Variants in TCTN1 observed in about 807,000 individuals in gnomAD.
TCTN1 encodes the protein tectonic-1.
TCTN1 carries 58 observed loss-of-function variants against 65.8 expected under a neutral mutation model. The ratio of observed to expected loss-of-function variants is 0.88; its 90% CI spans 0.71 to 1.10. TCTN1 has a LOEUF of 1.10. Ranked by LOEUF, TCTN1 falls within the 50% of genes least tolerant of loss-of-function variation. The pLI is 0.00. For synonymous variants in TCTN1, 273 were observed against 289.1 expected, an observed-to-expected ratio of 0.94 and a Z score of 0.57; for missense variants, 645 against 719.4, an observed-to-expected ratio of 0.90 and a Z score of 1.18.
intron 14 of TCTN1, chr12:110,648,774 G>GAA: frequency 6.7e-6 from 2 of 299,320 alleles, no homozygotes; most frequent in Non-Finnish European, 1.3e-5. Context: ...AATACAGTAG[G>GAA]AGGGTCCAGG....
intron 2 of TCTN1, 41 bp from the exon 3 acceptor site, chr12:110,626,321 T>C (rs375890064): frequency 5.6e-5 from 87 of 1,541,664 alleles, no homozygotes; most frequent in Non-Finnish European, 7.2e-5. Context: ...ATTGTGTGCT[T>C]ATGTCTTGTA....
chr12:110,626,068 T>C (rs761848601), intron 2 of TCTN1, among the ~76,000 whole-genome samples: 9 of 151,494 alleles, frequency 5.9e-5, no homozygotes, highest in Non-Finnish European at 8.8e-5. Flanking sequence ...AATTCTAATA[T>C]GCTTTCTTTT....
intron 14 of TCTN1, chr12:110,648,737 G>A (rs2067591016): frequency 4.0e-6 from 1 of 252,908 alleles, no homozygotes; most frequent in Admixed American, 5.7e-5. Context: ...CCGACTGGCA[G>A]GCTGGTATGG....
intron 13 of TCTN1, 32 bp from the exon 14 acceptor site, chr12:110,647,717 G>T (rs569579399): frequency 1.2e-6 from 2 of 1,614,162 alleles, no homozygotes; most frequent in African/African-American, 1.3e-5. Flanking sequence ...GCACACTGGA[G>T]GGTGGGCCTT....
intron 6 of TCTN1, among the ~76,000 whole-genome samples, chr12:110,635,121 C>T (rs2066472901): frequency 6.6e-6 from 1 of 152,054 alleles, no homozygotes; most frequent in Non-Finnish European, 1.5e-5. Context: ...CTTATTAGCC[C>T]CAAAAAGGGC....
At chr12:110,628,688 T>C (rs1362194050) in intron 3 of TCTN1, 79 bp from the exon 4 acceptor site, 21 of 1,317,034 alleles carry the variant, frequency 1.6e-5, no homozygotes, top group South Asian at 1.6e-4. Context: ...TTAAAAACTT[T>C]CCAAAACCTT....
intron 3 of TCTN1, chr12:110,628,301 C>T: frequency 7.1e-7 from 1 of 1,416,876 alleles, no homozygotes; most frequent in Non-Finnish European, 9.5e-7. Flanking sequence ...GTTTAATAAG[C>T]TTTAAAAAAT....
chr12:110,624,705 G>A (rs574029227), intron 2 of TCTN1, among the ~76,000 whole-genome samples: 1 of 151,922 alleles, frequency 6.6e-6, no homozygotes, highest in African/African-American at 2.4e-5. Context: ...AGTCTCCCCA[G>A]CAGCTGGAAC....
At chr12:110,631,549 G>T (rs1190753202) in intron 4 of TCTN1, among the ~76,000 whole-genome samples, 1 of 152,018 alleles carries the variant, frequency 6.6e-6, no homozygotes, top group Non-Finnish European at 1.5e-5. Context: ...CATGAGGATC[G>T]CTTGAACCCA....
chr12:110,616,254 ATT>A (rs112976446), intron 1 of TCTN1: 4,354 of 388,632 alleles, frequency 0.011, no homozygotes, highest in South Asian at 0.016. Context: ...CTCACACTTT[ATT>A]TTTTTTTTTT....
chr12:110,624,847 G>T (rs12304823), intron 2 of TCTN1, among the ~76,000 whole-genome samples: 1 of 152,198 alleles, frequency 6.6e-6, no homozygotes, highest in South Asian at 2.1e-4. Flanking sequence ...CTCCCAAAGT[G>T]CTGGGATTAC....
chr12:110,635,012 G>C (rs182019346), intron 6 of TCTN1, among the ~76,000 whole-genome samples: 1 of 151,956 alleles, frequency 6.6e-6, no homozygotes, highest in East Asian at 1.9e-4. Context: ...TCATTTTGAT[G>C]GTAACCAATA....
intron 12 of TCTN1, 55 bp downstream of exon 12, chr12:110,645,184 GTGA>G (rs1392862884): frequency 6.2e-7 from 1 of 1,606,694 alleles, no homozygotes; most frequent in Non-Finnish European, 8.5e-7. Flanking sequence ...TCCAGGTGGT[GTGA>G]TGAAGGCAGC....
chr12:110,617,802 G>T (rs1212140649), intron 1 of TCTN1, among the ~76,000 whole-genome samples: 1 of 149,850 alleles, frequency 6.7e-6, no homozygotes, highest in Non-Finnish European at 1.5e-5. Flanking sequence ...CACCATGCCC[G>T]ACTAATTTTT....
intron 4 of TCTN1, chr12:110,630,155 A>G (rs1378710497): frequency 6.6e-6 from 1 of 152,160 alleles, no homozygotes; most frequent in Non-Finnish European, 1.5e-5. Flanking sequence ...GTAAACCACC[A>G]TGGCACGTGT....
At position 110,647,842 on chromosome 12, in the gene TCTN1, C is replaced by T. The variant is rs777455610; in HGVS notation, c.1729C>T (p.Pro577Ser). Residue 577 changes from proline (P) to serine (S), a missense_variant, in exon 14 of 15, where the codon CCA becomes TCA. Transcript: ENST00000397659. ...APAEAGFRAPPAINARLPFNF... is the reference protein window; with the variant it reads ...APAEAGFRAPSAINARLPFNF... ...TGCAGAGGCAGGCTTCAGAGCTCCA[C>T]CAGCCATCAATGCCAGGCTGCCCTT... The T allele has an allele frequency of 1.2e-6, 2 of 1,614,190 alleles. No individual in the cohort carries two copies. Among genetic ancestry groups the T allele is most frequent in the Non-Finnish European group, 1.7e-6 (2 of 1,180,046 alleles).
chr12:110,630,186 C>A (rs1046668013), intron 4 of TCTN1: 1 of 152,148 alleles, frequency 6.6e-6, no homozygotes, highest in African/African-American at 2.4e-5. Flanking sequence ...AACAAACCTG[C>A]ATGTTCTGCA....
chr12:110,616,254 A>ATTT, intron 1 of TCTN1: 17 of 403,694 alleles, frequency 4.2e-5, no homozygotes, highest in South Asian at 7.0e-5. Flanking sequence ...CTCACACTTT[A>ATTT]TTTTTTTTTT....
Position 110,636,507 on chromosome 12 carries a change from A to C in TCTN1, c.843+6A>C, listed in dbSNP as rs2066579977. ...TACCTGATTCAAGAAAAAAGGTAAG[A>C]GTATTTATTTATTTTTGTAATAGAA... On this transcript the variant is annotated splice_donor_region_variant and intron_variant, in intron 7 of 14. Coordinates refer to ENST00000397659, the MANE Select transcript of TCTN1 (RefSeq NM_001082538.3). 7.5e-7 allele frequency: 1 copy of C among 1,333,506 alleles called. No homozygotes were observed. The highest frequency in any genetic ancestry group is 1.2e-5 in the South Asian group (1 of 85,156). 82.6% of individuals were successfully genotyped at this position (1,333,506 alleles called of 1,614,324 possible).
Sources: gnomAD v4.1 joint callset for allele counts (sites outside exome capture counted in the v4.1 genomes callset) on GRCh38, gnomAD v4.1.1 for gene constraint, MANE v1.5 for transcripts, NCBI Gene and HGNC (gene_info 2026-07-23, HGNC 2026-07-21) for gene names.